DOCK7: variants seen among roughly 807,000 people sequenced by gnomAD.
DOCK7 encodes dedicator of cytokinesis 7.
In DOCK7, 138 loss-of-function variants were observed where a neutral mutation model predicts 271.0. The ratio of observed to expected loss-of-function variants is 0.51; its 90% CI spans 0.44 to 0.59. The LOEUF is 0.59. DOCK7 is among the 20% of genes least tolerant of loss of function. The pLI is 0.00. For synonymous variants in DOCK7, 823 were observed against 876.1 expected, an observed-to-expected ratio of 0.94 and a Z score of 1.07; for missense variants, 2,066 against 2,592.4, an observed-to-expected ratio of 0.80 and a Z score of 4.41.
chr1:62,568,976 G>A (rs78180442), intron 18 of DOCK7, among the ~76,000 whole-genome samples: 1 of 151,998 alleles, frequency 6.6e-6, no homozygotes, highest in Non-Finnish European at 1.5e-5. Context: ...CTCTCTGCAA[G>A]TAAGTTAGAA....
intron 27 of DOCK7, 140 bp downstream of exon 27, chr1:62,539,404 TA>T: frequency 3.0e-6 from 2 of 677,844 alleles, no homozygotes; most frequent in Non-Finnish European, 4.8e-6. Context: ...GCCTTGCTAA[TA>T]AAAATATGTT....
chr1:62,673,026 T>C (rs541634320), intron 1 of DOCK7, among the ~76,000 whole-genome samples: 5 of 152,292 alleles, frequency 3.3e-5, no homozygotes, highest in African/African-American at 1.2e-4. Flanking sequence ...CTATCCTTCA[T>C]GTATGGCTAA....
At chr1:62,648,387 T>C in intron 5 of DOCK7, 28 bp downstream of exon 5, 1 of 1,464,278 alleles carries the variant, frequency 6.8e-7, no homozygotes, top group Non-Finnish European at 9.0e-7. Flanking sequence ...AATAACTTCT[T>C]ATAGTTATTT....
intron 41 of DOCK7, among the ~76,000 whole-genome samples, chr1:62,491,071 T>C (rs1646452449): frequency 6.6e-6 from 1 of 152,212 alleles, no homozygotes; most frequent in Non-Finnish European, 1.5e-5. Context: ...ATGAGGTAGG[T>C]ACTATTACTA....
In DOCK7 at chr1:62,655,888, G is replaced by A. The variant is rs191235841; in HGVS notation, c.145-1729C>T. Among the ~76,000 whole-genome samples the A allele has an allele frequency of 5.9e-5, 9 of 152,230 alleles. No individual in the cohort carries two copies. In the East Asian group the frequency reaches 1.7e-3, roughly 29 times the overall value. On this transcript the variant is annotated intron_variant, in intron 2 of 49. Transcript: ENST00000635253. ...ATTACTATTTCAATTCTACAAATAA[G>A]GGCATTTGTGCTCAAAAAAGTTAAC... is the stretch of plus-strand genomic sequence containing the variant.
Position 62,688,289 on chromosome 1 carries a change from GGCGGCGGCT to G in DOCK7, c.-34_-26del, listed in dbSNP as rs781084014. ...TGGCTGCTGCGGCGACGGCGACGGCGGCGGCGGCTGCGGCGGGCCGGGTGCGGACCGGCG... is the reference window on the plus strand; with the variant it reads ...TGGCTGCTGCGGCGACGGCGACGGCGGCGGCGGGCCGGGTGCGGACCGGCG... On this transcript the variant is annotated 5_prime_UTR_variant, in exon 1 of 50. Transcript: ENST00000635253. 1 of 1,255,320 alleles carries G rather than the reference GGCGGCGGCT, an allele frequency of 8.0e-7. No individual in the cohort carries two copies. The highest frequency in any genetic ancestry group is 1.0e-6 in the Non-Finnish European group (1 of 995,854). 77.8% of individuals were successfully genotyped at this position (1,255,320 alleles called of 1,614,324 possible). A position where few individuals can be genotyped will look rare whatever the true frequency, so the allele number is the denominator to read the frequency against.
intron 16 of DOCK7, among the ~76,000 whole-genome samples, chr1:62,580,937 T>C (rs1647097906): frequency 6.6e-6 from 1 of 152,220 alleles, no homozygotes; most frequent in African/African-American, 2.4e-5. Flanking sequence ...TAAAGCTTTA[T>C]TGGAACACAG....
intron 31 of DOCK7, among the ~76,000 whole-genome samples, chr1:62,519,006 T>TATACAC (rs1553161265): frequency 6.8e-6 from 1 of 148,130 alleles, no homozygotes; most frequent in African/African-American, 2.5e-5. Context: ...AGTCATGCTA[T>TATACAC]ACACACACAC....
chr1:62,468,088 C>T (rs934094292), intron 48 of DOCK7, among the ~76,000 whole-genome samples: 4 of 152,102 alleles, frequency 2.6e-5, no homozygotes, highest in African/African-American at 9.7e-5. Context: ...AGGCCGGGCG[C>T]GGTGGCTCAC....
chr1:62,586,424 T>C, intron 15 of DOCK7, 83 bp downstream of exon 15: 1 of 922,700 alleles, frequency 1.1e-6, no homozygotes, highest in Non-Finnish European at 1.6e-6. Flanking sequence ...AATTTCCAGG[T>C]TGCAGTTGCC....
intron 48 of DOCK7, among the ~76,000 whole-genome samples, chr1:62,465,772 G>T (rs553272001): frequency 6.6e-6 from 1 of 152,238 alleles, no homozygotes; most frequent in African/African-American, 2.4e-5. Context: ...GGCTGGTCTT[G>T]AACTCCTGAC....
chr1:62,506,872 G>A (rs982878606), intron 35 of DOCK7, among the ~76,000 whole-genome samples: 8 of 150,334 alleles, frequency 5.3e-5, no homozygotes, highest in Non-Finnish European at 1.0e-4. Flanking sequence ...ACTTGAACCC[G>A]GGAGGCGGAG....
At chr1:62,546,259 A>AT (rs1405045951) in intron 22 of DOCK7, among the ~76,000 whole-genome samples, 2 of 152,138 alleles carry the variant, frequency 1.3e-5, no homozygotes, top group Non-Finnish European at 2.9e-5. Flanking sequence ...AGACATCAGT[A>AT]TTTTTTAAAT....
At chr1:62,563,373 C>T (rs532727280) in intron 18 of DOCK7, among the ~76,000 whole-genome samples, 1 of 152,156 alleles carries the variant, frequency 6.6e-6, no homozygotes, top group Non-Finnish European at 1.5e-5. Flanking sequence ...AAACTCTCAA[C>T]TGAAATGAGA....
In DOCK7 at chr1:62,642,331, T is replaced by C. The variant is rs531267348; in HGVS notation, c.818+5360A>G. Among the ~76,000 whole-genome samples the C allele has an allele frequency of 4.1e-4, 62 of 152,266 alleles. No homozygotes were observed. The East Asian group carries it at 0.011, about 27-fold the overall frequency. ...ACCATGTTGTCCAGGCTTGAACTCC[T>C]GACCTCAGGTGATCTGTCCGCCTCG... On this transcript the variant is annotated intron_variant, in intron 7 of 49. Transcript: ENST00000635253.
chr1:62,528,388 GAAT>G (rs1645078586), intron 30 of DOCK7, 83 bp from the exon 31 acceptor site: 1 of 1,299,056 alleles, frequency 7.7e-7, no homozygotes, highest in African/African-American at 1.5e-5. Context: ...TTCTTTAAAA[GAAT>G]AACTTGTTGA....
chr1:62,660,439 T>G (rs1557872831), intron 2 of DOCK7, among the ~76,000 whole-genome samples: 1 of 152,238 alleles, frequency 6.6e-6, no homozygotes, highest in Non-Finnish European at 1.5e-5. Flanking sequence ...TACCACTTGG[T>G]ACCCATTAGA....
At chr1:62,641,417 T>C in intron 7 of DOCK7, 1 of 401,968 alleles carries the variant, frequency 2.5e-6, no homozygotes, top group Non-Finnish European at 5.0e-6. Flanking sequence ...ATCAAACATC[T>C]TGAGGTGGTC....
At chr1:62,601,812 T>C (rs754658074) in intron 14 of DOCK7, 15 of 1,610,106 alleles carry the variant, frequency 9.3e-6, no homozygotes, top group African/African-American at 2.7e-5. Flanking sequence ...GAGGTGAACA[T>C]ACAAGTGGCA....
Sources: gnomAD v4.1 joint callset for allele counts (sites outside exome capture counted in the v4.1 genomes callset) on GRCh38, gnomAD v4.1.1 for gene constraint, MANE v1.5 for transcripts, NCBI Gene and HGNC (gene_info 2026-07-23, HGNC 2026-07-21) for gene names.